Variants in LMNTD1 observed in about 807,000 individuals in gnomAD.
LMNTD1 encodes lamin tail domain containing 1.
Under a neutral mutation model 50.9 loss-of-function variants are expected in LMNTD1, and 35 were observed. The observed-to-expected ratio is 0.69, with a 90% CI of 0.53 to 0.91. LMNTD1 has a LOEUF of 0.91. LMNTD1 is among the 40% of genes least tolerant of loss of function. The probability of loss-of-function intolerance (pLI) is 0.00; values close to 1 mark genes in which losing one functional copy is unlikely to be tolerated. For synonymous variants in LMNTD1, 153 were observed against 161.9 expected (o/e 0.94, Z 0.42); for missense variants, 470 against 475.5 (o/e 0.99, Z 0.11).
intron 9 of LMNTD1, among the ~76,000 whole-genome samples, chr12:25,487,867 T>G (rs1591820137): frequency 1.0e-5 from 1 of 96,714 alleles, no homozygotes; most frequent in Non-Finnish European, 2.1e-5. Context: ...GTCTGTAAAG[T>G]ATTTTATTTC....
At chr12:25,625,125 G>A (rs1045409899) in intron 1 of LMNTD1, among the ~76,000 whole-genome samples, 4 of 152,100 alleles carry the variant, frequency 2.6e-5, no homozygotes, top group Non-Finnish European at 4.4e-5. Flanking sequence ...GGTCCTTTTC[G>A]TTTTCACCTA....
intron 1 of LMNTD1, among the ~76,000 whole-genome samples, chr12:25,636,791 A>C (rs990687946): frequency 1.3e-5 from 2 of 152,254 alleles, no homozygotes; most frequent in African/African-American, 4.8e-5. Flanking sequence ...ATATGATGGA[A>C]TACTACTAAG....
At chr12:25,600,868 G>A (rs1033636278) in intron 1 of LMNTD1, among the ~76,000 whole-genome samples, 5 of 151,944 alleles carry the variant, frequency 3.3e-5, no homozygotes, top group African/African-American at 1.2e-4. Context: ...GATTAGTACA[G>A]CCACTATGGA....
At chr12:25,639,029 G>A (rs370912536) in intron 1 of LMNTD1, among the ~76,000 whole-genome samples, 1 of 152,252 alleles carries the variant, frequency 6.6e-6, no homozygotes, top group East Asian at 1.9e-4. Context: ...ATAGTCAATT[G>A]ATTTTTGACA....
At chr12:25,634,114 C>T (rs149502214) in intron 1 of LMNTD1, among the ~76,000 whole-genome samples, 1 of 152,006 alleles carries the variant, frequency 6.6e-6, no homozygotes, top group Non-Finnish European at 1.5e-5. Context: ...AAAATACAAC[C>T]CTTCTAGCTT....
At chr12:25,550,138 G>C (rs1428651869) in intron 2 of LMNTD1, among the ~76,000 whole-genome samples, 1 of 152,150 alleles carries the variant, frequency 6.6e-6, no homozygotes. Flanking sequence ...GGGAATGACA[G>C]AATAGAGGGA....
At chr12:25,488,938 TC>T (rs1440834147) in intron 9 of LMNTD1, among the ~76,000 whole-genome samples, 1 of 152,210 alleles carries the variant, frequency 6.6e-6, no homozygotes, top group Non-Finnish European at 1.5e-5. Context: ...GTTAGGCTGC[TC>T]GGGGGTCAGG....
intron 1 of LMNTD1, among the ~76,000 whole-genome samples, chr12:25,605,902 T>A (rs886299945): frequency 4.6e-5 from 7 of 152,210 alleles, no homozygotes; most frequent in African/African-American, 1.7e-4. Context: ...GGGATGGCAT[T>A]GAATCTATAA....
chr12:25,581,295 G>T (rs1945275080), intron 1 of LMNTD1, among the ~76,000 whole-genome samples: 1 of 152,190 alleles, frequency 6.6e-6, no homozygotes, highest in Non-Finnish European at 1.5e-5. Context: ...CAAAGCATCT[G>T]CGTTTAAAAC....
intron 4 of LMNTD1, among the ~76,000 whole-genome samples, chr12:25,534,933 A>T (rs567452462): frequency 5.3e-5 from 8 of 152,344 alleles, no homozygotes; most frequent in Non-Finnish European, 1.2e-4. Context: ...AAGAAATGAA[A>T]ATTCATAGAA....
intron 1 of LMNTD1, among the ~76,000 whole-genome samples, chr12:25,573,528 T>G (rs1015974491): frequency 8.5e-5 from 13 of 152,114 alleles, no homozygotes; most frequent in African/African-American, 3.1e-4. Context: ...CCACATATGG[T>G]CACAACATAA....
chr12:25,576,868 A>G (rs1159017150), intron 1 of LMNTD1, among the ~76,000 whole-genome samples: 5 of 152,130 alleles, frequency 3.3e-5, no homozygotes, highest in Admixed American at 2.0e-4. Context: ...TGATTTTTGT[A>G]TAAGGTGTAA....
intron 1 of LMNTD1, among the ~76,000 whole-genome samples, chr12:25,577,143 T>C (rs1945059911): frequency 6.6e-6 from 1 of 152,228 alleles, no homozygotes; most frequent in East Asian, 1.9e-4. Flanking sequence ...CCAGCTTTGT[T>C]CTTTTGGCTT....
chr12:25,551,596 GC>G (rs566035234), intron 2 of LMNTD1, among the ~76,000 whole-genome samples: 15 of 152,072 alleles, frequency 9.9e-5, no homozygotes, highest in Non-Finnish European at 2.2e-4. Context: ...TTGCTATGTT[GC>G]CCGGGCTGTC....
chr12:25,478,488 C>T (rs970646303), intron 9 of LMNTD1, among the ~76,000 whole-genome samples: 4 of 152,110 alleles, frequency 2.6e-5, no homozygotes, highest in Non-Finnish European at 5.9e-5. Flanking sequence ...TGTATACATG[C>T]ACAAACAAGT....
chr12:25,603,620 T>C (rs576816756), intron 1 of LMNTD1, among the ~76,000 whole-genome samples: 1 of 152,106 alleles, frequency 6.6e-6, no homozygotes, highest in South Asian at 2.1e-4. Context: ...AATAAAGAAA[T>C]TCTATTATAC....
At chr12:25,632,789 A>G (rs1332086813) in intron 1 of LMNTD1, among the ~76,000 whole-genome samples, 1 of 152,230 alleles carries the variant, frequency 6.6e-6, no homozygotes, top group African/African-American at 2.4e-5. Flanking sequence ...GGCAACAAAT[A>G]GCAAAATGAA....
intron 1 of LMNTD1, among the ~76,000 whole-genome samples, chr12:25,625,587 C>T (rs1592117010): frequency 6.6e-6 from 1 of 152,172 alleles, no homozygotes; most frequent in East Asian, 1.9e-4. Context: ...TCCAATTGAG[C>T]CCCCTGCTCA....
At chr12:25,554,355 T>C (rs1943942801), upstream of LMNTD1, among the ~76,000 whole-genome samples, 1 of 152,252 alleles carries the variant, frequency 6.6e-6, no homozygotes, top group Non-Finnish European at 1.5e-5. Flanking sequence ...TCAGAGAGCC[T>C]GCTCATATTT....
Sources: allele counts gnomAD v4.1 joint callset (sites outside exome capture counted in the v4.1 genomes callset), GRCh38; gene constraint gnomAD v4.1.1; transcripts MANE v1.5; gene names NCBI Gene and HGNC (gene_info 2026-07-23, HGNC 2026-07-21).